Variants in CNTN6 observed in about 807,000 individuals in gnomAD.
The protein encoded by CNTN6 is contactin-6.
A neutral mutation model predicts 122.8 loss-of-function variants in CNTN6; 137 were observed. The observed-to-expected ratio is 1.12, with a 90% CI of 0.97 to 1.29. The LOEUF (loss-of-function observed/expected upper bound fraction) is 1.29. Ranked by LOEUF, CNTN6 falls within the 50% of genes most tolerant of loss-of-function variation. CNTN6 has a pLI of 0.00. For missense variants in CNTN6, 1,634 were observed against 1,223.4 expected (o/e 1.34, Z -5.01); for synonymous variants, 570 against 426.0 (o/e 1.34, Z -4.16).
intron 12 of CNTN6, among the ~76,000 whole-genome samples, chr3:1,359,857 A>G (rs155896): frequency 6.6e-6 from 1 of 151,878 alleles, no homozygotes; most frequent in Admixed American, 6.6e-5. Context: ...TCAGAGTATT[A>G]GCTTTGATTT....
At chr3:1,102,656 G>GA (rs1316173812) in intron 1 of CNTN6, among the ~76,000 whole-genome samples, 1 of 147,462 alleles carries the variant, frequency 6.8e-6, no homozygotes, top group Non-Finnish European at 1.5e-5. Flanking sequence ...GGAACCCGGG[G>GA]GGCGGAGCTT....
At chr3:1,400,920 G>C (rs1402917316) in intron 20 of CNTN6, among the ~76,000 whole-genome samples, 1 of 152,036 alleles carries the variant, frequency 6.6e-6, no homozygotes, top group Non-Finnish European at 1.5e-5. Flanking sequence ...TGACTTATAA[G>C]AAATATCCTT....
At chr3:1,119,493 A>G (rs1311217054) in intron 1 of CNTN6, among the ~76,000 whole-genome samples, 2 of 151,916 alleles carry the variant, frequency 1.3e-5, no homozygotes, top group Admixed American at 6.6e-5. Context: ...TCTTATTGCC[A>G]GGGTCTGAGG....
chr3:1,359,746 A>T (rs184893290), intron 12 of CNTN6, among the ~76,000 whole-genome samples: 1 of 152,238 alleles, frequency 6.6e-6, no homozygotes, highest in East Asian at 1.9e-4. Context: ...AAGACTAAAA[A>T]CAACTCCTTT....
intron 15 of CNTN6, 77 bp from the exon 16 acceptor site, chr3:1,373,847 A>G: frequency 1.4e-6 from 2 of 1,454,048 alleles, no homozygotes; most frequent in South Asian, 3.0e-5. Context: ...TTTTAAATTA[A>G]TAATTATATA....
chr3:1,373,868 A>T (rs1398003152), intron 15 of CNTN6, 56 bp from the exon 16 acceptor site: 2 of 1,505,572 alleles, frequency 1.3e-6, no homozygotes, highest in Non-Finnish European at 1.8e-6. Context: ...ATTTTGTACA[A>T]TTATTTGTTT....
rs768505608 is a variant in CNTN6, at chr3:1,385,770, C to G, written c.2677C>G (p.Pro893Ala). ...TGCTGGGACAGGGCCCTCAAGCCCC[C>G]CAGTCAATGTTACCACCAAAAAGTC... is the stretch of plus-strand genomic sequence containing the variant. The part of the protein sequence containing the change: ...NTAGTGPSSP[P>A]VNVTTKKSPP... The change falls in exon 20 of 23, where the codon CCA (proline) becomes GCA (alanine). Residue 893 changes from proline to alanine, a missense_variant. Transcript: ENST00000446702. 1.9e-6 allele frequency: 3 copies of G among 1,611,146 alleles called. No homozygotes were observed. In the African/African-American group the frequency reaches 4.0e-5, roughly 22 times the overall value.
At chr3:1,303,962 A>T (rs149405641) in intron 7 of CNTN6, among the ~76,000 whole-genome samples, 1 of 152,102 alleles carries the variant, frequency 6.6e-6, no homozygotes, top group South Asian at 2.1e-4. Context: ...TTCCAGGCCT[A>T]TTTGAGCTCT....
chr3:1,155,135 C>T (rs968388663), intron 2 of CNTN6, among the ~76,000 whole-genome samples: 2 of 152,128 alleles, frequency 1.3e-5, no homozygotes, highest in African/African-American at 4.8e-5. Flanking sequence ...ACCTTTTTTA[C>T]TGTTTTCAAT....
intron 1 of CNTN6, among the ~76,000 whole-genome samples, chr3:1,107,956 A>G (rs896004460): frequency 1.1e-4 from 16 of 152,116 alleles, no homozygotes; most frequent in Admixed American, 1.0e-3. Flanking sequence ...TGAAAGGTTT[A>G]GATTTGGAAT....
chr3:1,204,887 G>C (rs555737761), intron 2 of CNTN6, among the ~76,000 whole-genome samples: 1 of 152,128 alleles, frequency 6.6e-6, no homozygotes, highest in African/African-American at 2.4e-5. Flanking sequence ...CAGAATAATG[G>C]CCCCCAAGAT....
rs575494124 is a variant in CNTN6 at position 1,114,435 on chromosome 3, C to G, written c.-83+21315C>G. On this transcript the variant is annotated intron_variant, in intron 1 of 22. Coordinates refer to ENST00000446702, the MANE Select transcript of CNTN6 (RefSeq NM_001289080.2). ...AGAAGTAATGACATAGAATAGCATC[C>G]TCTTGCTTTTTCCACTATTAATTCT... 3.9e-5 allele frequency among the ~76,000 whole-genome samples: 6 copies of G among 152,256 alleles called. No homozygotes were observed. The East Asian group carries it at 1.2e-3, about 29-fold the overall frequency.
At chr3:1,204,887 G>A (rs555737761) in intron 2 of CNTN6, among the ~76,000 whole-genome samples, 1 of 152,010 alleles carries the variant, frequency 6.6e-6, no homozygotes, top group Non-Finnish European at 1.5e-5. Context: ...CAGAATAATG[G>A]CCCCCAAGAT....
intron 1 of CNTN6, among the ~76,000 whole-genome samples, chr3:1,140,707 A>G (rs2092588671): frequency 6.6e-6 from 1 of 151,038 alleles, no homozygotes; most frequent in Admixed American, 6.9e-5. Flanking sequence ...TTCTCTGATT[A>G]AAAAAAAATT....
intron 1 of CNTN6, among the ~76,000 whole-genome samples, chr3:1,129,295 C>T (rs1301478227): frequency 6.6e-6 from 1 of 152,044 alleles, no homozygotes. Context: ...TCCACCTTCC[C>T]TTTTTGCCTG....
At chr3:1,093,595 A>G (rs2090356756) in intron 1 of CNTN6, among the ~76,000 whole-genome samples, 1 of 151,978 alleles carries the variant, frequency 6.6e-6, no homozygotes, top group Admixed American at 6.6e-5. Flanking sequence ...ATTTAAAAGA[A>G]TGGTTATAAA....
At chr3:1,190,925 C>T (rs1375698639) in intron 2 of CNTN6, among the ~76,000 whole-genome samples, 4 of 152,064 alleles carry the variant, frequency 2.6e-5, no homozygotes, top group African/African-American at 9.7e-5. Context: ...TTCTTGTCTT[C>T]CTTTTATTAT....
intron 2 of CNTN6, among the ~76,000 whole-genome samples, chr3:1,161,884 ATTGTT>A (rs1053330077): frequency 6.6e-5 from 10 of 151,898 alleles, no homozygotes; most frequent in Non-Finnish European, 1.5e-4. Context: ...TGATATTGTA[ATTGTT>A]TTGTCTATTT....
intron 1 of CNTN6, among the ~76,000 whole-genome samples, chr3:1,108,561 C>T (rs1186875597): frequency 6.6e-6 from 1 of 151,902 alleles, no homozygotes; most frequent in Non-Finnish European, 1.5e-5. Context: ...CTCTTGAGTG[C>T]TCAAACTGTA....
Sources: allele counts gnomAD v4.1 joint callset (sites outside exome capture counted in the v4.1 genomes callset), GRCh38; gene constraint gnomAD v4.1.1; transcripts MANE v1.5; gene names NCBI Gene and HGNC (gene_info 2026-07-23, HGNC 2026-07-21).